Variants in CLSTN2 observed in about 807,000 individuals in gnomAD.
The protein encoded by CLSTN2 is calsyntenin 2.
Under a neutral mutation model 101.2 loss-of-function variants are expected in CLSTN2, and 48 were observed. The observed-to-expected ratio is 0.47, with a 90% CI of 0.38 to 0.60. The LOEUF is 0.60. Ranked by LOEUF, CLSTN2 falls within the 20% of genes least tolerant of loss-of-function variation. The probability of loss-of-function intolerance (pLI) is 0.00; values close to 1 mark genes in which losing one functional copy is unlikely to be tolerated. For synonymous variants in CLSTN2, 481 were observed against 463.6 expected (o/e 1.04, Z -0.48); for missense variants, 1,160 against 1,238.2 (o/e 0.94, Z 0.95).
In CLSTN2 at chr3:140,338,564, TC is replaced by T. The variant is rs142182466; in HGVS notation, c.233-65057del. ...TGGGAAATACACATAAAATGTCCAGTCCCCCCCCGGCCTCAGTAGTGCTCAG... is the reference window on the plus strand; with the variant it reads ...TGGGAAATACACATAAAATGTCCAGTCCCCCCCGGCCTCAGTAGTGCTCAG... On this transcript the variant is annotated intron_variant, in intron 2 of 16. Coordinates refer to ENST00000458420, the MANE Select transcript of CLSTN2 (RefSeq NM_022131.3). 4.1e-3 allele frequency among the ~76,000 whole-genome samples: 624 copies of T among 150,866 alleles called. 3 individuals carry two copies. Among genetic ancestry groups the T allele is most frequent in the Non-Finnish European group, 4.6e-3 (315 of 67,788 alleles).
chr3:140,233,547 A>G (rs1468642629), intron 2 of CLSTN2, among the ~76,000 whole-genome samples: 1 of 152,238 alleles, frequency 6.6e-6, no homozygotes, highest in Non-Finnish European at 1.5e-5. Context: ...AAAGCTGAAT[A>G]CATAAAAATT....
chr3:139,942,722 G>A (rs1935153464), intron 1 of CLSTN2, among the ~76,000 whole-genome samples: 1 of 152,104 alleles, frequency 6.6e-6, no homozygotes, highest in African/African-American at 2.4e-5. Flanking sequence ...AGGGCATATA[G>A]CAGCAGATCA....
chr3:139,960,937 G>C (rs1228830879), intron 1 of CLSTN2, among the ~76,000 whole-genome samples: 5 of 152,200 alleles, frequency 3.3e-5, no homozygotes, highest in African/African-American at 1.2e-4. Context: ...TTGGATGTAT[G>C]TTATATTAGA....
At chr3:140,189,504 T>A (rs1045074309) in intron 2 of CLSTN2, among the ~76,000 whole-genome samples, 5 of 152,236 alleles carry the variant, frequency 3.3e-5, no homozygotes, top group African/African-American at 7.2e-5. Context: ...GCTGATGATG[T>A]CAAATGTTTT....
At chr3:140,471,442 G>GA (rs1436466846) in intron 8 of CLSTN2, among the ~76,000 whole-genome samples, 1 of 152,040 alleles carries the variant, frequency 6.6e-6, no homozygotes, top group Admixed American at 6.6e-5. Context: ...CTCACATAAG[G>GA]AAAAAAGTGC....
rs563486392 is a variant in CLSTN2 at position 140,019,570 on chromosome 3, T to G, written c.109+84087T>G. The stretch of plus-strand genomic sequence containing the variant: ...CTAATACAGATGGCATAGTTGGGTA[T>G]TTTTAAGAAATGTTTGTCAGACATA... On this transcript the variant is annotated intron_variant, in intron 1 of 16. Coordinates refer to ENST00000458420, the MANE Select transcript of CLSTN2 (RefSeq NM_022131.3). 9.2e-5 allele frequency among the ~76,000 whole-genome samples: 14 copies of G among 152,352 alleles called. 1 individual carries two copies. The highest frequency in any genetic ancestry group is 8.5e-4 in the Admixed American group (13 of 15,306).
intron 1 of CLSTN2, among the ~76,000 whole-genome samples, chr3:140,027,155 G>C (rs2007438448): frequency 6.6e-6 from 1 of 152,230 alleles, no homozygotes; most frequent in Non-Finnish European, 1.5e-5. Flanking sequence ...AGGCCAAGTG[G>C]AGGGGCAGGA....
rs764587568 is a variant in CLSTN2 at position 140,556,693 on chromosome 3, T to A, written c.1823+32T>A. Reference sequence around the variant, plus strand: ...GGACGCTGGTCAGCCTGGGGCCAACTGAGGCAGCAGTTGGGAAGGTCCCAA... The same window carrying A: ...GGACGCTGGTCAGCCTGGGGCCAACAGAGGCAGCAGTTGGGAAGGTCCCAA... On this transcript the variant is annotated intron_variant, in intron 11 of 16. Transcript: ENST00000458420. 3 of 1,605,706 alleles carry A rather than the reference T, an allele frequency of 1.9e-6. No individual in the cohort carries two copies. In the Admixed American group the frequency reaches 5.0e-5, roughly 27 times the overall value.
At chr3:140,411,705 G>T (rs888458708) in intron 4 of CLSTN2, among the ~76,000 whole-genome samples, 1 of 152,190 alleles carries the variant, frequency 6.6e-6, no homozygotes, top group African/African-American at 2.4e-5. Flanking sequence ...CAAGCTAGCT[G>T]GTATCTACTG....
chr3:140,532,221 T>C, intron 8 of CLSTN2, 103 bp from the exon 9 acceptor site: 1 of 881,152 alleles, frequency 1.1e-6, no homozygotes. Flanking sequence ...CAATAAAAAT[T>C]GTTGACCCAA....
Position 140,532,352 on chromosome 3 carries a change from T to G in CLSTN2, c.1373T>G (p.Val458Gly). 6.2e-7 allele frequency: 1 copy of G among 1,609,878 alleles called. No homozygotes were observed. Among genetic ancestry groups the G allele is most frequent in the Non-Finnish European group, 8.5e-7 (1 of 1,177,530 alleles). The change falls in exon 9 of 17, where the codon GTC becomes GGC. Residue 458 changes from valine to glycine, a missense_variant. By Grantham distance (109) the Val-to-Gly change is moderately radical. Coordinates refer to ENST00000458420, the MANE Select transcript of CLSTN2 (RefSeq NM_022131.3). ...TGTGACAAAGAGTGGCACTACTATG[T>G]CATCAATGTGGAGTTTCCTGTGGTA... ...QICDKEWHYY[V>G]INVEFPVVTL...
In CLSTN2 at chr3:140,566,373, G is replaced by A. The variant is rs975267909; in HGVS notation, c.*120G>A. On this transcript the variant is annotated 3_prime_UTR_variant, in exon 17 of 17. Coordinates refer to ENST00000458420, the MANE Select transcript of CLSTN2 (RefSeq NM_022131.3). ...GACATGTCTGGGAAGGCCTTCTCCAGCTTCCTGGAGCCCACCCTTTAAGCC... is the reference window on the plus strand; with the variant it reads ...GACATGTCTGGGAAGGCCTTCTCCAACTTCCTGGAGCCCACCCTTTAAGCC... 3 of 990,090 alleles carry A rather than the reference G, an allele frequency of 3.0e-6. No individual in the cohort carries two copies. The highest frequency in any genetic ancestry group is 3.2e-5 in the African/African-American group (2 of 62,162). The allele number at this position is 990,090 out of a possible 1,614,324, so 61.3% of individuals were successfully genotyped here. A position where few individuals can be genotyped will look rare whatever the true frequency, so the allele number is the denominator to read the frequency against.
intron 1 of CLSTN2, among the ~76,000 whole-genome samples, chr3:139,975,789 A>C (rs1935806770): frequency 6.6e-6 from 1 of 152,184 alleles, no homozygotes; most frequent in Admixed American, 6.5e-5. Context: ...CTCTGCAGTG[A>C]ATGGATGCTC....
At chr3:140,180,554 A>T (rs1034986887) in intron 2 of CLSTN2, among the ~76,000 whole-genome samples, 2 of 152,212 alleles carry the variant, frequency 1.3e-5, no homozygotes, top group Non-Finnish European at 1.5e-5. Context: ...CAAGCTGGGC[A>T]CACCATGAAC....
chr3:140,336,844 A>G (rs2087446402), intron 2 of CLSTN2, among the ~76,000 whole-genome samples: 1 of 152,182 alleles, frequency 6.6e-6, no homozygotes, highest in Non-Finnish European at 1.5e-5. Context: ...TCACTGGACA[A>G]TGGGCTAACG....
intron 2 of CLSTN2, among the ~76,000 whole-genome samples, chr3:140,254,133 G>A (rs757857775): frequency 2.0e-5 from 3 of 152,088 alleles, no homozygotes; most frequent in Non-Finnish European, 2.9e-5. Context: ...TCATGTTCTC[G>A]ACTTCCATTG....
intron 1 of CLSTN2, among the ~76,000 whole-genome samples, chr3:140,097,933 C>G (rs774300140): frequency 5.3e-5 from 8 of 152,058 alleles, no homozygotes; most frequent in Non-Finnish European, 8.8e-5. Context: ...AAGTTTATTT[C>G]CTGCTATTCG....
chr3:140,160,699 C>A lies in CLSTN2; in HGVS notation c.110-15252C>A, dbSNP rs144860326. ...ATTGGTGTATAAGAAAACCAAAATT[C>A]TCTTGGTCAACCAAAAGTTGTTCAG... On this transcript the variant is annotated intron_variant, in intron 1 of 16. Transcript: ENST00000458420. Among the ~76,000 whole-genome samples the A allele has an allele frequency of 1.5e-3, 235 of 151,912 alleles. 1 individual carries two copies. The highest frequency in any genetic ancestry group is 5.5e-3 in the African/African-American group (226 of 41,448).
At chr3:139,974,716 A>G (rs1295534521) in intron 1 of CLSTN2, among the ~76,000 whole-genome samples, 5 of 152,232 alleles carry the variant, frequency 3.3e-5, no homozygotes, top group Non-Finnish European at 7.3e-5. Context: ...GCCATAGGAA[A>G]ACAAAGTACA....
Sources: allele counts gnomAD v4.1 joint callset (sites outside exome capture counted in the v4.1 genomes callset), GRCh38; gene constraint gnomAD v4.1.1; transcripts MANE v1.5; gene names NCBI Gene and HGNC (gene_info 2026-07-23, HGNC 2026-07-21).